The following CCDC136 variants were observed in gnomAD, a reference collection of about 807,000 sequenced individuals.
The protein encoded by CCDC136 is coiled-coil domain-containing protein 136.
A neutral mutation model predicts 141.2 loss-of-function variants in CCDC136; 100 were observed. That is an observed-to-expected ratio of 0.71 (90% CI 0.60 to 0.84). The LOEUF (loss-of-function observed/expected upper bound fraction) is 0.84, where lower values mean the gene tolerates loss of function less well. Among genes scored for constraint, CCDC136 ranks in the 40% least tolerant of loss-of-function variants. The pLI is 0.00. For missense variants in CCDC136, 1,206 were observed against 1,379.4 expected, an observed-to-expected ratio of 0.87 and a Z score of 1.99; for synonymous variants, 474 against 531.9, an observed-to-expected ratio of 0.89 and a Z score of 1.50.
intron 3 of CCDC136, among the ~76,000 whole-genome samples, chr7:128,797,493 T>C (rs1458787044): frequency 6.6e-6 from 1 of 152,156 alleles, no homozygotes; most frequent in Non-Finnish European, 1.5e-5. Context: ...TGAGAGGAAC[T>C]CCTGGAGCAT....
Position 128,815,866 on chromosome 7 carries a change from G to A in CCDC136, c.3298G>A (p.Asp1100Asn), listed in dbSNP as rs374969434. 1.2e-6 allele frequency: 2 copies of A among 1,613,736 alleles called. No individual in the cohort carries two copies. Among genetic ancestry groups the A allele is most frequent in the African/African-American group, 1.3e-5 (1 of 74,890 alleles). The change falls in exon 16 of 18, where the codon GAC becomes AAC. Residue 1100 changes from aspartate (D) to asparagine (N), a missense_variant. Asp to Asn is a conservative substitution (Grantham distance 23). Transcript: ENST00000297788. ...AGAAGACAGTGAAGAGGAGGAGGAT[G>A]ACGCCGACTCTTCCCTTGAAAGTCC... ...KEEDSEEEED[D>N]ADSSLESPEE...
Position 128,792,149 on chromosome 7 carries a change from G to C in CCDC136, c.-263G>C, listed in dbSNP as rs1802267638. On this transcript the variant is annotated 5_prime_UTR_variant, in exon 1 of 18. Coordinates refer to ENST00000297788, the MANE Select transcript of CCDC136 (RefSeq NM_022742.5). The stretch of plus-strand genomic sequence containing the variant: ...AGGAGGCTGGGAGGCAGGGCTGAGA[G>C]GTGGCCGAGAGAGAGGAGTCGCAGA... The C allele has an allele frequency of 1.4e-6, 2 of 1,431,024 alleles. No individual in the cohort carries two copies. Among genetic ancestry groups the C allele is most frequent in the Admixed American group, 5.6e-5 (2 of 35,758 alleles). The allele number at this position is 1,431,024 out of a possible 1,614,324, so 88.6% of individuals were successfully genotyped here.
rs1464052872 is a variant in CCDC136 at position 128,811,882 on chromosome 7, A to G, written c.2111A>G (p.Gln704Arg). 2.1e-5 allele frequency: 34 copies of G among 1,613,464 alleles called. No individual in the cohort carries two copies. Among genetic ancestry groups the G allele is most frequent in the Non-Finnish European group, 2.9e-5 (34 of 1,179,644 alleles). ...CAGGCGAAGCAGGAGCTCTTGCAGC[A>G]AGAGCAAGGGAGGCTCCTAGAGGAG... is the stretch of plus-strand genomic sequence containing the variant. ...AGQAKQELLQ[Q>R]EQGRLLEERK... Residue 704 changes from glutamine to arginine, a missense_variant, in exon 13 of 18, where the codon CAA becomes CGA. Gln to Arg is a conservative substitution (Grantham distance 43). Coordinates refer to ENST00000297788, the MANE Select transcript of CCDC136 (RefSeq NM_022742.5).
At chr7:128,793,812 A>G (rs1465561587) in intron 1 of CCDC136, among the ~76,000 whole-genome samples, 1 of 152,140 alleles carries the variant, frequency 6.6e-6, no homozygotes. Context: ...GGGTTTCACC[A>G]TGTTGACCGG....
chr7:128,814,313 T>C (rs1806242174), intron 14 of CCDC136, among the ~76,000 whole-genome samples: 1 of 152,120 alleles, frequency 6.6e-6, no homozygotes, highest in Non-Finnish European at 1.5e-5. Context: ...CTCGAACTCC[T>C]GACCTCAAGT....
rs752473024 is a variant in CCDC136, at chr7:128,811,923, G to A, written c.2152G>A (p.Ala718Thr). Residue 718 changes from alanine to threonine, a missense_variant, in exon 13 of 18, where the codon GCA becomes ACA. By Grantham distance (58) the Ala-to-Thr change is moderately conservative. Transcript: ENST00000297788. ...RLLEERKRLQADLQLCLEEMQ... is the reference protein window; with the variant it reads ...RLLEERKRLQTDLQLCLEEMQ... ...CCTAGAGGAGCGGAAGAGGCTGCAG[G>A]CAGACTTGCAGCTCTGCCTGGAAGA... 20 of 1,613,954 alleles carry A rather than the reference G, an allele frequency of 1.2e-5. No individual in the cohort carries two copies. Among genetic ancestry groups the A allele is most frequent in the Non-Finnish European group, 1.6e-5 (19 of 1,179,856 alleles).
At chr7:128,819,842 AC>A (rs1329796599) in intron 17 of CCDC136, among the ~76,000 whole-genome samples, 1 of 152,152 alleles carries the variant, frequency 6.6e-6, no homozygotes, top group African/African-American at 2.4e-5. Context: ...AAGACACCAT[AC>A]TTGTGTTTAG....
chr7:128,812,248 C>G lies in CCDC136; in HGVS notation c.2477C>G (p.Thr826Ser). ...TACGGCAGCACCAGTAGCTCTGACA[C>G]CTGCCAGAAGAGTTTTGTCAGCAGC... ...KSYGSTSSSDTCQKSFVSSCT... is the reference protein window; with the variant it reads ...KSYGSTSSSDSCQKSFVSSCT... The change falls in exon 13 of 18, where the codon ACC (threonine) becomes AGC (serine). Residue 826 changes from threonine to serine, a missense_variant. Thr to Ser is a moderately conservative substitution (Grantham distance 58, BLOSUM62 1). Coordinates refer to ENST00000297788, the MANE Select transcript of CCDC136 (RefSeq NM_022742.5). The G allele has an allele frequency of 6.2e-7, 1 of 1,613,822 alleles. No homozygotes were observed. Among genetic ancestry groups the G allele is most frequent in the Non-Finnish European group, 8.5e-7 (1 of 1,179,812 alleles).
intron 3 of CCDC136, among the ~76,000 whole-genome samples, chr7:128,799,240 A>C (rs1231294900): frequency 6.9e-6 from 1 of 145,546 alleles, no homozygotes; most frequent in Non-Finnish European, 1.5e-5. Flanking sequence ...GATATTAGGG[A>C]TGCTGAGGAG....
rs1562976597 is a variant in CCDC136 at position 128,815,677 on chromosome 7, G to A, written c.3109G>A (p.Glu1037Lys). The A allele has an allele frequency of 6.4e-7, 1 of 1,555,746 alleles. No homozygotes were observed. Among genetic ancestry groups the A allele is most frequent in the Non-Finnish European group, 8.7e-7 (1 of 1,149,352 alleles). ...QRKLDGLAKEEEKKEEMEEEK... is the reference protein window; with the variant it reads ...QRKLDGLAKEKEKKEEMEEEK... The stretch of plus-strand genomic sequence containing the variant: ...GAAATTAGATGGACTAGCAAAAGAG[G>A]AGGAAAAGAAAGAGGAGATGGAGGA... Residue 1037 changes from glutamate to lysine, a missense_variant, in exon 16 of 18, where the codon GAG (glutamate) becomes AAG (lysine). Transcript: ENST00000297788.
intron 15 of CCDC136, 74 bp from the exon 16 acceptor site, chr7:128,815,540 A>C: frequency 7.0e-7 from 1 of 1,436,642 alleles, no homozygotes; most frequent in Non-Finnish European, 9.3e-7. Flanking sequence ...TCCTGGAGCT[A>C]GTACAGCATT....
intron 1 of CCDC136, among the ~76,000 whole-genome samples, chr7:128,793,659 A>G (rs1229563113): frequency 6.6e-6 from 1 of 152,168 alleles, no homozygotes; most frequent in Non-Finnish European, 1.5e-5. Flanking sequence ...CCCAGGCTGG[A>G]GTGCCAGTGG....
chr7:128,796,739 A>ATATATATATATATTTTTTTTTTT lies in CCDC136; in HGVS notation c.346+1972_346+1973insATATATATATATTTTTTTTTTTT. 1.8e-4 allele frequency among the ~76,000 whole-genome samples: 20 copies of ATATATATATATATTTTTTTTTTT among 113,368 alleles called. 1 individual carries two copies. The highest frequency in any genetic ancestry group is 2.7e-4 in the Non-Finnish European group (16 of 59,776). The allele number at this position is 113,368 out of a possible 152,430, so 74.4% of individuals were successfully genotyped here. ...TGATTCAGAATATATATATATATAT[A>ATATATATATATATTTTTTTTTTT]TTCTTTTTTTTTTTTTTTTTGAGAC... On this transcript the variant is annotated intron_variant, in intron 3 of 17. Coordinates refer to ENST00000297788, the MANE Select transcript of CCDC136 (RefSeq NM_022742.5).
intron 16 of CCDC136, among the ~76,000 whole-genome samples, chr7:128,816,186 G>T (rs973028815): frequency 1.3e-5 from 2 of 152,274 alleles, no homozygotes; most frequent in East Asian, 3.8e-4. Context: ...CCAGCGTGGG[G>T]TCTCTGGAGT....
In CCDC136 at chr7:128,821,950, C is replaced by T. The variant is rs1460441037; in HGVS notation, c.*157C>T. On this transcript the variant is annotated 3_prime_UTR_variant, in exon 18 of 18. Coordinates refer to ENST00000297788, the MANE Select transcript of CCDC136 (RefSeq NM_022742.5). This position sits in a 1 kb window ranked among gnomAD's most constrained non-coding sequence, Gnocchi z 5.1. ...AGCGCGAGGGCAGATCCCCAGTGGC[C>T]ACCACCCTCAGCTTTGGGCAGGACA... 17 of 1,289,118 alleles carry T rather than the reference C, an allele frequency of 1.3e-5. No homozygotes were observed. The highest frequency in any genetic ancestry group is 2.3e-5 in the Admixed American group (1 of 43,524). 79.9% of individuals were successfully genotyped at this position (1,289,118 alleles called of 1,614,324 possible).
At chr7:128,796,739 A>ATATTTTTTTTT in intron 3 of CCDC136, among the ~76,000 whole-genome samples, 1 of 113,374 alleles carries the variant, frequency 8.8e-6, no homozygotes, top group Non-Finnish European at 1.7e-5. Flanking sequence ...ATATATATAT[A>ATATTTTTTTTT]TTCTTTTTTT....
chr7:128,811,704 C>A, intron 12 of CCDC136, 96 bp from the exon 13 acceptor site: 1 of 1,172,392 alleles, frequency 8.5e-7, no homozygotes. Flanking sequence ...GTGCCATTCT[C>A]TAAGGTGTGC....
rs1806831800 is a variant in CCDC136, at chr7:128,817,617, A to G, written c.3364-141A>G. On this transcript the variant is annotated intron_variant, in intron 16 of 17. Transcript: ENST00000297788. This position sits in a 1 kb window ranked among gnomAD's most constrained non-coding sequence, Gnocchi z 4.6. ...AGCAGAAAAGACATGCAACTGCTCT[A>G]GCTTACCTGTTTTTTAACCTCTTGA... The G allele has an allele frequency of 1.3e-6, 1 of 765,292 alleles. No homozygotes were observed. Among genetic ancestry groups the G allele is most frequent in the African/African-American group, 1.7e-5 (1 of 58,434 alleles). The allele number at this position is 765,292 out of a possible 1,614,324, so 47.4% of individuals were successfully genotyped here.
At position 128,816,044 on chromosome 7, in the gene CCDC136, C is replaced by T. The variant is rs969358571; in HGVS notation, c.3363+113C>T. 6.7e-5 allele frequency: 67 copies of T among 1,002,916 alleles called. No individual in the cohort carries two copies. In the African/African-American group the frequency reaches 7.7e-4, roughly 12 times the overall value. The allele number at this position is 1,002,916 out of a possible 1,614,324, so 62.1% of individuals were successfully genotyped here. A position where few individuals can be genotyped will look rare whatever the true frequency, so the allele number is the denominator to read the frequency against. ...GATATCTCCAGGAGTGGAGGCCTCG[C>T]GCTCTAAGGCACAACCCTTCGGGGA... On this transcript the variant is annotated intron_variant, in intron 16 of 17. Transcript: ENST00000297788.
Sources: allele counts gnomAD v4.1 joint callset (sites outside exome capture counted in the v4.1 genomes callset), GRCh38; gene constraint gnomAD v4.1.1; non-coding constraint Gnocchi (gnomAD v3.1); transcripts MANE v1.5; gene names NCBI Gene and HGNC (gene_info 2026-07-23, HGNC 2026-07-21).